Variants in CACNA2D3 observed in about 807,000 individuals in gnomAD.
CACNA2D3 encodes the protein voltage-dependent calcium channel subunit alpha-2/delta-3.
A neutral mutation model predicts 160.6 loss-of-function variants in CACNA2D3; 60 were observed. The observed-to-expected ratio is 0.37, with a 90% CI of 0.30 to 0.46. The LOEUF is 0.46. Ranked by LOEUF, CACNA2D3 falls within the 20% of genes least tolerant of loss-of-function variation. The probability of loss-of-function intolerance (pLI) is 1.00; values close to 1 mark genes in which losing one functional copy is unlikely to be tolerated. For missense variants in CACNA2D3, 1,205 were observed against 1,365.0 expected (o/e 0.88, Z 1.85); for synonymous variants, 558 against 492.9 (o/e 1.13, Z -1.75).
At chr3:54,384,185 A>G (rs1237561626) in intron 3 of CACNA2D3, among the ~76,000 whole-genome samples, 2 of 151,218 alleles carry the variant, frequency 1.3e-5, no homozygotes, top group Non-Finnish European at 2.9e-5. Context: ...TTATCTTTTG[A>G]TCATTTAAAC....
intron 2 of CACNA2D3, among the ~76,000 whole-genome samples, chr3:54,207,661 G>A (rs1190429231): frequency 1.3e-5 from 2 of 152,162 alleles, no homozygotes; most frequent in Non-Finnish European, 1.5e-5. Flanking sequence ...CCTCGGGAAT[G>A]TCACGGACTG....
In CACNA2D3 at chr3:54,832,026, C is replaced by T. The variant is rs923328451; in HGVS notation, c.1399-5133C>T. Among the ~76,000 whole-genome samples, 1,086 of 148,582 alleles carry T rather than the reference C, an allele frequency of 7.3e-3. 13 individuals are homozygous for T. Among genetic ancestry groups the T allele is most frequent in the Non-Finnish European group, 8.5e-3 (567 of 67,022 alleles). On this transcript the variant is annotated intron_variant, in intron 14 of 37. Coordinates refer to ENST00000474759, the MANE Select transcript of CACNA2D3 (RefSeq NM_018398.3). ...CTCTTCTCTGTCACACACACACACACACACACACACACACACACACACACA... is the reference window on the plus strand; with the variant it reads ...CTCTTCTCTGTCACACACACACACATACACACACACACACACACACACACA...
At chr3:54,993,923 T>G (rs192739720) in intron 31 of CACNA2D3, among the ~76,000 whole-genome samples, 1 of 144,070 alleles carries the variant, frequency 6.9e-6, no homozygotes, top group Non-Finnish European at 1.5e-5. Context: ...TGTGTGTGTT[T>G]TGTGTGTGTG....
At position 54,811,797 on chromosome 3, in the gene CACNA2D3, G is replaced by A. The variant is rs143971836; in HGVS notation, c.1381-5056G>A. Among the ~76,000 whole-genome samples, 358 of 152,208 alleles carry A rather than the reference G, an allele frequency of 2.4e-3. 1 individual carries two copies. Among genetic ancestry groups the A allele is most frequent in the African/African-American group, 8.2e-3 (340 of 41,550 alleles). The stretch of plus-strand genomic sequence containing the variant: ...AGCACAGGCATGAGCCACCATGCCC[G>A]GCCTCTGTCAGTTCTTATCTAGACC... On this transcript the variant is annotated intron_variant, in intron 13 of 37. Transcript: ENST00000474759.
At chr3:54,913,712 C>T (rs1049265546) in intron 27 of CACNA2D3, among the ~76,000 whole-genome samples, 3 of 152,114 alleles carry the variant, frequency 2.0e-5, no homozygotes, top group African/African-American at 7.2e-5. Flanking sequence ...AGGAAAGGAT[C>T]CTAACTCTGA....
At chr3:54,414,801 CT>C (rs34567327) in intron 4 of CACNA2D3, among the ~76,000 whole-genome samples, 2,745 of 138,474 alleles carry the variant, frequency 0.02, 27 homozygotes, top group Middle Eastern at 0.038. Flanking sequence ...ATTCTTTTAA[CT>C]TTTTTTTTTT....
At position 54,891,397 on chromosome 3, in the gene CACNA2D3, C is replaced by T. The variant is rs966035712; in HGVS notation, c.2193C>T (p.Arg731=). The T allele has an allele frequency of 6.2e-7, 1 of 1,613,934 alleles. No homozygotes were observed. The highest frequency in any genetic ancestry group is 8.5e-7 in the Non-Finnish European group (1 of 1,179,864). The change falls in exon 25 of 38, where the codon CGC becomes CGT. Residue 731 remains arginine (R), a synonymous_variant. Transcript: ENST00000474759. The stretch of plus-strand genomic sequence containing the variant: ...TGGAGGTTGCCTTCCTCGGCACTCG[C>T]ACGGGCCTCTCCAGAATCAACCTGT... The part of the protein sequence containing the change: ...KGVEVAFLGT[R]TGLSRINLFV...
intron 29 of CACNA2D3, 36 bp from the exon 30 acceptor site, chr3:54,984,572 T>C (rs753966525): frequency 8.0e-7 from 1 of 1,256,648 alleles, no homozygotes. Flanking sequence ...AAGTTGAAGC[T>C]GTTTTTTTGT....
At chr3:54,211,175 C>CT (rs60436775) in intron 2 of CACNA2D3, among the ~76,000 whole-genome samples, 11,977 of 151,168 alleles carry the variant, frequency 0.079, 1,199 homozygotes, top group African/African-American at 0.24. Flanking sequence ...TATTTCCCCT[C>CT]TTTTTTTTTA....
intron 5 of CACNA2D3, among the ~76,000 whole-genome samples, chr3:54,505,381 C>CT (rs1425631701): frequency 1.3e-5 from 2 of 152,140 alleles, no homozygotes; most frequent in Non-Finnish European, 2.9e-5. Flanking sequence ...CACAGTTCAT[C>CT]TTTTTTTCTT....
At chr3:54,841,311 G>A (rs796281187) in intron 16 of CACNA2D3, among the ~76,000 whole-genome samples, 1 of 152,158 alleles carries the variant, frequency 6.6e-6, no homozygotes, top group Non-Finnish European at 1.5e-5. Context: ...TGAAGGAAAC[G>A]AAGCATAACA....
chr3:54,226,230 A>G lies in CACNA2D3; in HGVS notation c.205-94212A>G, dbSNP rs573871656. Reference sequence around the variant, plus strand: ...TCTAACCATGATACTTGTCCCAGGTAAATATCAAACCCCAGGAAGAGGGAA... The same window carrying G: ...TCTAACCATGATACTTGTCCCAGGTGAATATCAAACCCCAGGAAGAGGGAA... On this transcript the variant is annotated intron_variant, in intron 2 of 37. Transcript: ENST00000474759. 1.5e-4 allele frequency among the ~76,000 whole-genome samples: 23 copies of G among 152,020 alleles called. 1 individual carries two copies. In the South Asian group the frequency reaches 4.8e-3, roughly 32 times the overall value.
At chr3:54,302,964 A>T (rs1703513559) in intron 2 of CACNA2D3, among the ~76,000 whole-genome samples, 1 of 151,892 alleles carries the variant, frequency 6.6e-6, no homozygotes, top group Non-Finnish European at 1.5e-5. Flanking sequence ...TGGGCACATG[A>T]CATTTTCCAT....
At chr3:54,370,594 A>T (rs1575419439) in intron 3 of CACNA2D3, among the ~76,000 whole-genome samples, 1 of 152,144 alleles carries the variant, frequency 6.6e-6, no homozygotes, top group Admixed American at 6.5e-5. Flanking sequence ...GTGGAGGTGG[A>T]TTGTACCCAC....
intron 4 of CACNA2D3, among the ~76,000 whole-genome samples, chr3:54,403,753 A>G (rs1699520475): frequency 6.6e-6 from 1 of 152,142 alleles, no homozygotes; most frequent in African/African-American, 2.4e-5. Flanking sequence ...CCTTAGCTAG[A>G]CTAAGAAAAG....
At chr3:54,185,650 T>C (rs1322647141) in intron 2 of CACNA2D3, among the ~76,000 whole-genome samples, 2 of 152,224 alleles carry the variant, frequency 1.3e-5, no homozygotes, top group Non-Finnish European at 2.9e-5. Flanking sequence ...TTTTGGGCTC[T>C]CTAGGTCTCT....
intron 27 of CACNA2D3, among the ~76,000 whole-genome samples, chr3:54,932,395 C>G (rs1701211801): frequency 6.6e-6 from 1 of 152,094 alleles, no homozygotes; most frequent in African/African-American, 2.4e-5. Context: ...AAAGGTCAGT[C>G]ACCAAACTGA....
intron 4 of CACNA2D3, among the ~76,000 whole-genome samples, chr3:54,405,750 CA>C (rs1699563574): frequency 6.6e-6 from 1 of 151,590 alleles, no homozygotes; most frequent in African/African-American, 2.4e-5. Context: ...TTCTGCACAG[CA>C]ATGGAAACAA....
At chr3:54,664,999 C>T (rs1176499110) in intron 11 of CACNA2D3, among the ~76,000 whole-genome samples, 1 of 152,178 alleles carries the variant, frequency 6.6e-6, no homozygotes, top group Non-Finnish European at 1.5e-5. Flanking sequence ...TTTGTATTAC[C>T]ATTGTTCCAG....
Sources: gnomAD v4.1 joint callset for allele counts (sites outside exome capture counted in the v4.1 genomes callset) on GRCh38, gnomAD v4.1.1 for gene constraint, MANE v1.5 for transcripts, NCBI Gene and HGNC (gene_info 2026-07-23, HGNC 2026-07-21) for gene names.